The following ZNF609 variants were observed in gnomAD, a reference collection of about 807,000 sequenced individuals.
The protein encoded by ZNF609 is zinc finger protein 609.
A neutral mutation model predicts 109.5 loss-of-function variants in ZNF609; 11 were observed. The observed-to-expected ratio is 0.10, with a 90% CI of 0.06 to 0.17. The LOEUF is 0.17. ZNF609 is among the 10% of genes least tolerant of loss of function. The pLI is 1.00. For missense variants in ZNF609, 1,559 were observed against 1,772.4 expected (o/e 0.88, Z 2.16); for synonymous variants, 646 against 662.0 (o/e 0.98, Z 0.37).
chr15:64,554,636 C>A (rs1254313055), intron 2 of ZNF609, among the ~76,000 whole-genome samples: 1 of 151,840 alleles, frequency 6.6e-6, no homozygotes, highest in Non-Finnish European at 1.5e-5. Flanking sequence ...CCAGACTGGG[C>A]AACAGATCAA....
rs951319279 is a variant in ZNF609, at chr15:64,473,191, C to CTTTTTTTTTT, written c.-128+12368_-128+12377dup. The stretch of plus-strand genomic sequence containing the variant: ...TAAAACTTTTGACTCATATTTGGTT[C>CTTTTTTTTTT]TTTTTTTTTTTTTTTTTTTTTTTTG... On this transcript the variant is annotated intron_variant, in intron 1 of 9. Transcript: ENST00000326648. Among the ~76,000 whole-genome samples the CTTTTTTTTTT allele has an allele frequency of 3.8e-3, 290 of 76,064 alleles. 35 individuals are homozygous for CTTTTTTTTTT. Among genetic ancestry groups the CTTTTTTTTTT allele is most frequent in the African/African-American group, 0.018 (270 of 15,368 alleles). 49.9% of individuals were successfully genotyped at this position (76,064 alleles called of 152,430 possible).
chr15:64,663,741 G>C lies in ZNF609; in HGVS notation c.974-6605G>C, dbSNP rs1033776018. Among the ~76,000 whole-genome samples the C allele has an allele frequency of 2.0e-5, 3 of 152,294 alleles. No individual in the cohort carries two copies. In the South Asian group the frequency reaches 6.2e-4, roughly 32 times the overall value. On this transcript the variant is annotated intron_variant, in intron 3 of 9. Coordinates refer to ENST00000326648, the MANE Select transcript of ZNF609 (RefSeq NM_015042.2). Reference sequence around the variant, plus strand: ...GAAGGAGCTGAGCATGAAGGTACCAGATCCCTGAGAGAAAGTATGTACTAA... The same window carrying C: ...GAAGGAGCTGAGCATGAAGGTACCACATCCCTGAGAGAAAGTATGTACTAA...
In ZNF609 at chr15:64,566,861, C is replaced by T. The variant is rs116790872; in HGVS notation, c.748-55966C>T. On this transcript the variant is annotated intron_variant, in intron 2 of 9. Coordinates refer to ENST00000326648, the MANE Select transcript of ZNF609 (RefSeq NM_015042.2). Reference sequence around the variant, plus strand: ...AATGTAACTCAGTTCTACTGGAGGCCACCATTCTCTTCCAGGTCATGGGTG... The same window carrying T: ...AATGTAACTCAGTTCTACTGGAGGCTACCATTCTCTTCCAGGTCATGGGTG... Among the ~76,000 whole-genome samples, 934 of 152,220 alleles carry T rather than the reference C, an allele frequency of 6.1e-3. 10 individuals carry two copies. The highest frequency in any genetic ancestry group is 0.021 in the African/African-American group (878 of 41,540).
At chr15:64,655,368 G>C (rs892087543) in intron 3 of ZNF609, among the ~76,000 whole-genome samples, 2 of 151,946 alleles carry the variant, frequency 1.3e-5, no homozygotes, top group African/African-American at 4.8e-5. Context: ...CCTGGGAGGC[G>C]GAGGTTGTGG....
At chr15:64,557,295 G>A (rs955854476) in intron 2 of ZNF609, among the ~76,000 whole-genome samples, 8 of 151,058 alleles carry the variant, frequency 5.3e-5, no homozygotes, top group African/African-American at 2.0e-4. Flanking sequence ...TGATTTCAGA[G>A]AACATTGAAA....
intron 2 of ZNF609, among the ~76,000 whole-genome samples, chr15:64,618,835 C>T (rs950250004): frequency 3.3e-5 from 5 of 152,136 alleles, no homozygotes; most frequent in Non-Finnish European, 5.9e-5. Context: ...GAAGTCCAGC[C>T]GCTTGTGTGT....
chr15:64,490,086 G>C (rs560202860), intron 1 of ZNF609, among the ~76,000 whole-genome samples: 30 of 152,170 alleles, frequency 2.0e-4, no homozygotes, highest in African/African-American at 6.3e-4. Context: ...AGCCTACCAA[G>C]TAACTGAGAC....
chr15:64,637,747 T>C (rs1204662217), intron 3 of ZNF609, among the ~76,000 whole-genome samples: 4 of 152,088 alleles, frequency 2.6e-5, no homozygotes, highest in African/African-American at 9.7e-5. Context: ...CTTTTTCTTA[T>C]TGATTTGTAT....
At chr15:64,522,024 C>T (rs779601406) in intron 2 of ZNF609, among the ~76,000 whole-genome samples, 3 of 152,230 alleles carry the variant, frequency 2.0e-5, no homozygotes, top group South Asian at 4.1e-4. Context: ...TCTGGTGACT[C>T]GAGACAAAAG....
intron 1 of ZNF609, among the ~76,000 whole-genome samples, chr15:64,485,897 T>C (rs937558376): frequency 2.0e-5 from 3 of 152,214 alleles, no homozygotes; most frequent in African/African-American, 7.2e-5. Context: ...ATTTTGACAT[T>C]GATATAAGCC....
Position 64,674,472 on chromosome 15 carries a change from A to C in ZNF609, c.1618A>C (p.Ile540Leu). The change falls in exon 5 of 10, where the codon ATT becomes CTT. Residue 540 changes from isoleucine (I) to leucine (L), a missense_variant. Physicochemically the swap from Ile to Leu is conservative, Grantham distance 5 (BLOSUM62 2). Coordinates refer to ENST00000326648, the MANE Select transcript of ZNF609 (RefSeq NM_015042.2). ...GGACAGTGAGTACGGAGAGGAACCT[A>C]TTCTCCATGCAGATCTTGGGAGCTG... is the stretch of plus-strand genomic sequence containing the variant. Reference protein sequence around the residue: ...DGDSEYGEEPILHADLGSCNG... With the variant: ...DGDSEYGEEPLLHADLGSCNG... 6.2e-7 allele frequency: 1 copy of C among 1,614,170 alleles called. No homozygotes were observed. Among genetic ancestry groups the C allele is most frequent in the African/African-American group, 1.3e-5 (1 of 75,032 alleles).
At chr15:64,594,379 C>CTGGA (rs956899557) in intron 2 of ZNF609, among the ~76,000 whole-genome samples, 1 of 151,354 alleles carries the variant, frequency 6.6e-6, no homozygotes, top group Non-Finnish European at 1.5e-5. Flanking sequence ...GTCACCCAGG[C>CTGGA]TGGAGTGCAG....
chr15:64,563,392 A>G lies in ZNF609; in HGVS notation c.748-59435A>G, dbSNP rs535464599. ...ATGGAACCCAGCAAATCGAGGCTGC[A>G]GTGAGCCATGATCGCATCACTGCAC... On this transcript the variant is annotated intron_variant, in intron 2 of 9. Transcript: ENST00000326648. Among the ~76,000 whole-genome samples, 3 of 151,268 alleles carry G rather than the reference A, an allele frequency of 2.0e-5. No individual in the cohort carries two copies. In the East Asian group the frequency reaches 5.8e-4, roughly 29 times the overall value.
intron 2 of ZNF609, among the ~76,000 whole-genome samples, chr15:64,609,132 T>TTTCTC (rs1895672010): frequency 2.3e-5 from 1 of 43,962 alleles, no homozygotes; most frequent in Admixed American, 2.4e-4. Context: ...TTCTTTCTTT[T>TTTCTC]TTTCTTTCTT....
intron 3 of ZNF609, among the ~76,000 whole-genome samples, chr15:64,655,040 G>A (rs886958979): frequency 6.8e-6 from 1 of 147,512 alleles, no homozygotes; most frequent in Non-Finnish European, 1.5e-5. Context: ...AGCTTGCAGT[G>A]AACCGAGATT....
chr15:64,628,918 C>G (rs1311220971), intron 3 of ZNF609, among the ~76,000 whole-genome samples: 2 of 152,008 alleles, frequency 1.3e-5, no homozygotes, highest in Non-Finnish European at 2.9e-5. Context: ...AGCCACCATG[C>G]CTGGCCCCTG....
chr15:64,515,564 AG>A (rs2140360617), intron 2 of ZNF609, among the ~76,000 whole-genome samples: 1 of 152,196 alleles, frequency 6.6e-6, no homozygotes, highest in East Asian at 1.9e-4. Flanking sequence ...TTCTTTTTAA[AG>A]GGGGGAGGGG....
chr15:64,672,293 T>A (rs1567044177), intron 4 of ZNF609, among the ~76,000 whole-genome samples: 1 of 148,990 alleles, frequency 6.7e-6, no homozygotes, highest in Admixed American at 6.6e-5. Flanking sequence ...ATTACAGGCA[T>A]GAGCCACCGC....
At chr15:64,466,188 A>G (rs1195585483) in intron 1 of ZNF609, among the ~76,000 whole-genome samples, 1 of 146,288 alleles carries the variant, frequency 6.8e-6, no homozygotes, top group African/African-American at 2.5e-5. Flanking sequence ...AGACTATTTG[A>G]GGTTTTCTGA....
Sources: allele counts gnomAD v4.1 joint callset (sites outside exome capture counted in the v4.1 genomes callset), GRCh38; gene constraint gnomAD v4.1.1; transcripts MANE v1.5; gene names NCBI Gene and HGNC (gene_info 2026-07-23, HGNC 2026-07-21).